SMAD7: variants seen among roughly 807,000 people sequenced by gnomAD.
SMAD7 encodes MAD (mothers against decapentaplegic, Drosophila) homolog 7.
A neutral mutation model predicts 38.7 loss-of-function variants in SMAD7; 8 were observed. The observed-to-expected ratio is 0.21, with a 90% CI of 0.12 to 0.37. The LOEUF (loss-of-function observed/expected upper bound fraction) is 0.37. Among genes scored for constraint, SMAD7 ranks in the 10% least tolerant of loss-of-function variants. SMAD7 has a pLI of 1.00. For missense variants in SMAD7, 477 were observed against 577.9 expected (o/e 0.83, Z 1.79); for synonymous variants, 327 against 265.1 (o/e 1.23, Z -2.27).
chr18:48,937,264 ATGTG>A (rs71165354), intron 3 of SMAD7, among the ~76,000 whole-genome samples: 2,284 of 119,836 alleles, frequency 0.019, 26 homozygotes, highest in East Asian at 0.06. Flanking sequence ...AAGTAAAGGC[ATGTG>A]TGTGTGTGTG....
chr18:48,949,505 C>G (rs1412878416), intron 1 of SMAD7, among the ~76,000 whole-genome samples: 1 of 151,966 alleles, frequency 6.6e-6, no homozygotes, highest in Non-Finnish European at 1.5e-5. Flanking sequence ...GAAATGAAGG[C>G]GTCTAATTTT....
At chr18:48,933,850 A>T (rs148187911) in intron 3 of SMAD7, 1 of 152,418 alleles carries the variant, frequency 6.6e-6, no homozygotes, top group Non-Finnish European at 1.5e-5. Context: ...GTGTTCAACA[A>T]TGCTTTTACA....
At chr18:48,944,381 T>A (rs2070174469) in intron 2 of SMAD7, among the ~76,000 whole-genome samples, 1 of 152,292 alleles carries the variant, frequency 6.6e-6, no homozygotes, top group Non-Finnish European at 1.5e-5. Context: ...CCATCTCAGA[T>A]CAAAGGTAAG....
intron 3 of SMAD7, among the ~76,000 whole-genome samples, chr18:48,923,571 C>G (rs771764529): frequency 6.6e-6 from 1 of 152,176 alleles, no homozygotes; most frequent in South Asian, 2.1e-4. Flanking sequence ...GCTGGGGCAG[C>G]CACAGACACA....
chr18:48,937,862 A>G (rs2070089647), intron 3 of SMAD7, among the ~76,000 whole-genome samples: 2 of 152,196 alleles, frequency 1.3e-5, no homozygotes. Flanking sequence ...AAAGGCCCAC[A>G]TGCCTGTGAG....
rs201321891 is a variant in SMAD7, at chr18:48,934,116, C to T, written c.742+8365G>A. 3.3e-5 allele frequency among the ~76,000 whole-genome samples: 5 copies of T among 152,298 alleles called. No individual in the cohort carries two copies. In the East Asian group the frequency reaches 9.6e-4, roughly 29 times the overall value. The stretch of plus-strand genomic sequence containing the variant: ...GACAAAAAATGGAACTGGACCTTAT[C>T]TGCACCACTGTAGGGCTGTGATAAG... On this transcript the variant is annotated intron_variant, in intron 3 of 3. Transcript: ENST00000262158.
intron 3 of SMAD7, among the ~76,000 whole-genome samples, chr18:48,927,114 G>A (rs1424792271): frequency 6.6e-6 from 1 of 152,186 alleles, no homozygotes; most frequent in Non-Finnish European, 1.5e-5. Flanking sequence ...AGCTCCCTCA[G>A]ACTCCTCAGG....
At position 48,919,922 on chromosome 18, in the gene SMAD7, A is replaced by G. The variant is rs981938635; in HGVS notation, c.*1450T>C. ...TTAGAAAAACATTCAGCTAGGTGATAACACCCATAGAAAAAAACACCAATC... is the reference window on the plus strand; with the variant it reads ...TTAGAAAAACATTCAGCTAGGTGATGACACCCATAGAAAAAAACACCAATC... On this transcript the variant is annotated 3_prime_UTR_variant, in exon 4 of 4. Coordinates refer to ENST00000262158, the MANE Select transcript of SMAD7 (RefSeq NM_005904.4). 1.3e-5 allele frequency: 2 copies of G among 152,664 alleles called. No homozygotes were observed. The highest frequency in any genetic ancestry group is 4.8e-5 in the African/African-American group (2 of 41,452). The allele number at this position is 152,664 out of a possible 1,614,324, so 9.5% of individuals were successfully genotyped here.
chr18:48,923,527 CAGTA>C (rs1346393288), intron 3 of SMAD7, among the ~76,000 whole-genome samples: 2 of 152,114 alleles, frequency 1.3e-5, no homozygotes, highest in African/African-American at 2.4e-5. Context: ...AGGTGCCCGT[CAGTA>C]AGGCCATACA....
At chr18:48,933,296 C>A (rs2070024540) in intron 3 of SMAD7, among the ~76,000 whole-genome samples, 1 of 152,126 alleles carries the variant, frequency 6.6e-6, no homozygotes, top group Admixed American at 6.6e-5. Context: ...GCTCCTCTGT[C>A]CTACAGAAGC....
rs181999754 is a variant in SMAD7 at position 48,921,349 on chromosome 18, C to A, written c.*23G>T. 1.3e-6 allele frequency: 2 copies of A among 1,594,270 alleles called. No individual in the cohort carries two copies. The highest frequency in any genetic ancestry group is 2.2e-5 in the South Asian group (2 of 89,450). On this transcript the variant is annotated 3_prime_UTR_variant, in exon 4 of 4. Coordinates refer to ENST00000262158, the MANE Select transcript of SMAD7 (RefSeq NM_005904.4). The surrounding 1 kb of genome is among the most constrained non-coding windows in gnomAD (Gnocchi z 6.4). The stretch of plus-strand genomic sequence containing the variant: ...TTTGAAGTGTGGCCTGCTCAGCTCA[C>A]GCTCTGTCCCCTCCGCACGCGGCTA...
At chr18:48,942,687 C>A in intron 2 of SMAD7, 132 bp from the exon 3 acceptor site, 1 of 1,552,824 alleles carries the variant, frequency 6.4e-7, no homozygotes, top group Non-Finnish European at 8.7e-7. Context: ...GGCCTTGATG[C>A]TGATTATTAA....
chr18:48,940,848 G>A (rs1468950658), intron 3 of SMAD7, among the ~76,000 whole-genome samples: 1 of 151,974 alleles, frequency 6.6e-6, no homozygotes, highest in Non-Finnish European at 1.5e-5. Flanking sequence ...TCTCCTGAGG[G>A]CTTCACAGGT....
chr18:48,942,224 A>T (rs1271904159), intron 3 of SMAD7, among the ~76,000 whole-genome samples: 1 of 152,140 alleles, frequency 6.6e-6, no homozygotes, highest in Non-Finnish European at 1.5e-5. Context: ...GCAACACTTC[A>T]CACACCAAAG....
intron 1 of SMAD7, 113 bp downstream of exon 1, chr18:48,949,699 A>C: frequency 5.2e-6 from 6 of 1,162,344 alleles, no homozygotes; most frequent in Non-Finnish European, 5.9e-6. Flanking sequence ...CTCTCCCAGG[A>C]GGGTATGCAC....
At chr18:48,949,609 T>A (rs1418609547) in intron 1 of SMAD7, among the ~76,000 whole-genome samples, 1 of 152,078 alleles carries the variant, frequency 6.6e-6, no homozygotes, top group Non-Finnish European at 1.5e-5. Context: ...CCCTTTGAGT[T>A]TCCCCTTGTC....
intron 3 of SMAD7, among the ~76,000 whole-genome samples, chr18:48,925,807 C>T (rs1182963425): frequency 6.6e-6 from 1 of 151,858 alleles, no homozygotes; most frequent in Non-Finnish European, 1.5e-5. Flanking sequence ...AGTGCAGTGG[C>T]ACAATCTCGG....
intron 2 of SMAD7, 70 bp from the exon 3 acceptor site, chr18:48,942,625 A>G: frequency 6.2e-7 from 1 of 1,606,336 alleles, no homozygotes; most frequent in Non-Finnish European, 8.5e-7. Context: ...ATCTTTAAGC[A>G]CGCTCTAAAC....
intron 3 of SMAD7, chr18:48,933,777 A>G (rs1431821295): frequency 1.3e-5 from 2 of 152,290 alleles, no homozygotes; most frequent in Non-Finnish European, 2.9e-5. Context: ...CTGTGGGCAC[A>G]CCACCTGCCC....
Sources: gnomAD v4.1 joint callset for allele counts (sites outside exome capture counted in the v4.1 genomes callset) on GRCh38, gnomAD v4.1.1 for gene constraint, Gnocchi (gnomAD v3.1) non-coding constraint, MANE v1.5 for transcripts, NCBI Gene and HGNC (gene_info 2026-07-23, HGNC 2026-07-21) for gene names.